C2orf49: variants seen among roughly 807,000 people sequenced by gnomAD.
C2orf49 encodes tRNA splicing ligase complex subunit 2.
C2orf49 carries 11 observed loss-of-function variants against 20.6 expected under a neutral mutation model. The ratio of observed to expected loss-of-function variants is 0.53; its 90% CI spans 0.34 to 0.88. The LOEUF (loss-of-function observed/expected upper bound fraction) is 0.88, where lower values mean the gene tolerates loss of function less well. Ranked by LOEUF, C2orf49 falls within the 40% of genes least tolerant of loss-of-function variation. The probability of loss-of-function intolerance (pLI) is 0.02; values close to 1 mark genes in which losing one functional copy is unlikely to be tolerated. For missense variants in C2orf49, 289 were observed against 274.2 expected (o/e 1.05, Z -0.38); for synonymous variants, 134 against 108.5 (o/e 1.24, Z -1.46).
intron 2 of C2orf49, among the ~76,000 whole-genome samples, chr2:105,341,947 G>A (rs776185722): frequency 3.3e-5 from 5 of 152,306 alleles, no homozygotes; most frequent in Middle Eastern, 3.4e-3. Flanking sequence ...GGAGGCGGGC[G>A]GATTACCCTG....
chr2:105,352,456 T>A (rs1444804964), downstream of C2orf49, among the ~76,000 whole-genome samples: 4 of 144,118 alleles, frequency 2.8e-5, no homozygotes, highest in East Asian at 7.9e-4. Flanking sequence ...TTTTTCGTTT[T>A]TTTTTTGAGA....
the C2orf49 span, among the ~76,000 whole-genome samples, chr2:105,356,049 C>T: frequency 6.6e-6 from 1 of 152,044 alleles, no homozygotes; most frequent in East Asian, 1.9e-4. Context: ...AGTTTGAGAC[C>T]AGCCTAGGCA....
At chr2:105,376,465 T>G in the C2orf49 span, 1 of 152,216 alleles carries the variant, frequency 6.6e-6, no homozygotes, top group East Asian at 1.9e-4. Context: ...TGAATAAAAT[T>G]GAACAAATCA....
intron 3 of C2orf49, among the ~76,000 whole-genome samples, 181 bp downstream of exon 3, chr2:105,343,404 A>G (rs1015647799): frequency 3.9e-5 from 6 of 152,244 alleles, no homozygotes; most frequent in Non-Finnish European, 7.3e-5. Context: ...TTAAAAATCC[A>G]TGGTGATTAA....
At chr2:105,338,868 T>C (rs1042426893) in intron 1 of C2orf49, among the ~76,000 whole-genome samples, 1 of 152,252 alleles carries the variant, frequency 6.6e-6, no homozygotes, top group African/African-American at 2.4e-5. Flanking sequence ...AAATCCAAAC[T>C]CTGTCTTCAT....
At chr2:105,378,160 C>T in the C2orf49 span, 20 of 471,156 alleles carry the variant, frequency 4.2e-5, no homozygotes, top group South Asian at 3.1e-4. Context: ...GCACATGGGT[C>T]CAAGGCACTG....
chr2:105,353,923 ACAAAGTCTTGTC>A (rs1253489508), downstream of C2orf49, among the ~76,000 whole-genome samples: 7 of 152,266 alleles, frequency 4.6e-5, no homozygotes, highest in African/African-American at 1.7e-4. Context: ...AACTAGTTTT[ACAAAGTCTTGTC>A]CAAAGGAGTT....
the C2orf49 span, among the ~76,000 whole-genome samples, chr2:105,380,311 TCA>T: frequency 5.6e-3 from 859 of 152,312 alleles, 14 homozygotes; most frequent in African/African-American, 0.02. Flanking sequence ...GTGCTTCCTA[TCA>T]CACTCTGAAT....
At chr2:105,366,542 T>C in the C2orf49 span, among the ~76,000 whole-genome samples, 2 of 152,118 alleles carry the variant, frequency 1.3e-5, no homozygotes, top group Non-Finnish European at 2.9e-5. Flanking sequence ...ACAGAGACGC[T>C]GGAAGCTATA....
intron 1 of C2orf49, 142 bp downstream of exon 1, chr2:105,337,828 G>C: frequency 4.3e-6 from 3 of 693,714 alleles, no homozygotes; most frequent in South Asian, 3.8e-5. Context: ...AGACCAGGCA[G>C]CTGTCTCCTC....
At position 105,348,527 on chromosome 2, in the gene C2orf49, C is replaced by CATATATATATATATATATATAT. The variant is rs10533537; in HGVS notation, c.*3165_*3186dup. The CATATATATATATATATATATAT allele has an allele frequency of 7.6e-6, 1 of 132,424 alleles. No individual in the cohort carries two copies. The highest frequency in any genetic ancestry group is 2.5e-4 in the South Asian group (1 of 4,012). The allele number at this position is 132,424 out of a possible 1,614,324, so 8.2% of individuals were successfully genotyped here. ...AAGTAAAACTGCCAGTAGATTAAATCATATATATATATATATATATATATA... is the reference window on the plus strand; with the variant it reads ...AAGTAAAACTGCCAGTAGATTAAATCATATATATATATATATATATATATATATATATATATATATATATATA... On this transcript the variant is annotated 3_prime_UTR_variant, in exon 4 of 4. Coordinates refer to ENST00000258457, the MANE Select transcript of C2orf49 (RefSeq NM_024093.3).
chr2:105,370,106 C>A, the C2orf49 span, among the ~76,000 whole-genome samples: 3 of 152,146 alleles, frequency 2.0e-5, no homozygotes, highest in Admixed American at 6.5e-5. Context: ...GGCTGCGGTG[C>A]CTCAGCCTTG....
chr2:105,365,349 C>T, the C2orf49 span, among the ~76,000 whole-genome samples: 27 of 152,206 alleles, frequency 1.8e-4, no homozygotes, highest in African/African-American at 5.8e-4. Context: ...AAGTTCATGT[C>T]GAGGAATGGA....
At position 105,347,933 on chromosome 2, in the gene C2orf49, A is replaced by G. The variant is rs1009797504; in HGVS notation, c.*2562A>G. On this transcript the variant is annotated 3_prime_UTR_variant, in exon 4 of 4. Coordinates refer to ENST00000258457, the MANE Select transcript of C2orf49 (RefSeq NM_024093.3). Reference sequence around the variant, plus strand: ...GAGTAGGCAAATGAATGGCATTAGAATTAGTGGGTGGCTTGTAAGTTGTAG... The same window carrying G: ...GAGTAGGCAAATGAATGGCATTAGAGTTAGTGGGTGGCTTGTAAGTTGTAG... The G allele has an allele frequency of 6.6e-6, 1 of 152,222 alleles. No homozygotes were observed. The highest frequency in any genetic ancestry group is 1.5e-5 in the Non-Finnish European group (1 of 68,038). 9.4% of individuals were successfully genotyped at this position (152,222 alleles called of 1,614,324 possible). A position where few individuals can be genotyped will look rare whatever the true frequency, so the allele number is the denominator to read the frequency against.
the C2orf49 span, among the ~76,000 whole-genome samples, chr2:105,355,816 G>A: frequency 4.9e-5 from 7 of 143,028 alleles, no homozygotes; most frequent in South Asian, 4.6e-4. Flanking sequence ...GTGTGTGTGT[G>A]TATCACTACC....
At chr2:105,367,224 T>A in the C2orf49 span, among the ~76,000 whole-genome samples, 6 of 152,258 alleles carry the variant, frequency 3.9e-5, no homozygotes, top group Non-Finnish European at 8.8e-5. Context: ...TGCAGTTGTT[T>A]TCTTGTTTTA....
the C2orf49 span, among the ~76,000 whole-genome samples, chr2:105,384,205 C>T: frequency 1.3e-5 from 2 of 152,170 alleles, no homozygotes; most frequent in African/African-American, 2.4e-5. Context: ...CTCTCACCTA[C>T]GTAAGTATTT....
At chr2:105,382,193 T>C in the C2orf49 span, among the ~76,000 whole-genome samples, 3 of 152,328 alleles carry the variant, frequency 2.0e-5, no homozygotes, top group Non-Finnish European at 4.4e-5. Context: ...GAAAGAGAGT[T>C]TGTGAAACAA....
the C2orf49 span, chr2:105,373,843 C>G: frequency 9.5e-7 from 1 of 1,057,968 alleles, no homozygotes; most frequent in South Asian, 1.4e-5. Flanking sequence ...GAAGTTGGGC[C>G]GAGGCACCCT....
Sources: gnomAD v4.1 joint callset for allele counts (sites outside exome capture counted in the v4.1 genomes callset) on GRCh38, gnomAD v4.1.1 for gene constraint, MANE v1.5 for transcripts, NCBI Gene and HGNC (gene_info 2026-07-23, HGNC 2026-07-21) for gene names.